The following ARHGAP42 variants were observed in gnomAD, a reference collection of about 807,000 sequenced individuals.
ARHGAP42 encodes the protein Rho GTPase activating protein 42, also known as rho GTPase-activating protein 42.
In ARHGAP42, 63 loss-of-function variants were observed where a neutral mutation model predicts 125.0. That is an observed-to-expected ratio of 0.50 (90% CI 0.41 to 0.62). The LOEUF (loss-of-function observed/expected upper bound fraction) is 0.62. Among genes scored for constraint, ARHGAP42 ranks in the 20% least tolerant of loss-of-function variants. ARHGAP42 has a pLI of 0.00. For missense variants in ARHGAP42, 766 were observed against 1,024.2 expected (o/e 0.75, Z 3.44); for synonymous variants, 339 against 351.0 (o/e 0.97, Z 0.38).
intron 2 of ARHGAP42, among the ~76,000 whole-genome samples, chr11:100,782,514 A>G (rs1863338567): frequency 6.6e-6 from 1 of 152,210 alleles, no homozygotes; most frequent in Non-Finnish European, 1.5e-5. Flanking sequence ...AAAAGTAAGG[A>G]CAAACATATG....
intron 17 of ARHGAP42, among the ~76,000 whole-genome samples, chr11:100,970,805 C>T (rs935356716): frequency 1.3e-5 from 2 of 152,084 alleles, no homozygotes; most frequent in African/African-American, 4.8e-5. Flanking sequence ...TCTTGGCCTG[C>T]TGCACCTCAG....
intron 4 of ARHGAP42, among the ~76,000 whole-genome samples, chr11:100,869,805 T>C (rs577859422): frequency 9.9e-5 from 15 of 152,184 alleles, no homozygotes; most frequent in Non-Finnish European, 2.2e-4. Flanking sequence ...CTCTTATAAT[T>C]TGATGGTACT....
intron 2 of ARHGAP42, among the ~76,000 whole-genome samples, chr11:100,786,079 A>G (rs1035930003): frequency 3.9e-5 from 6 of 152,204 alleles, no homozygotes; most frequent in South Asian, 2.1e-4. Context: ...ATGAGATAGT[A>G]TATGTAATGT....
At chr11:100,709,215 T>C (rs1394827112) in intron 1 of ARHGAP42, among the ~76,000 whole-genome samples, 1 of 152,160 alleles carries the variant, frequency 6.6e-6, no homozygotes, top group African/African-American at 2.4e-5. Flanking sequence ...AATTTTTGTA[T>C]TTTTAGTAGA....
chr11:100,951,122 A>G (rs1255330445), intron 12 of ARHGAP42, among the ~76,000 whole-genome samples: 1 of 152,122 alleles, frequency 6.6e-6, no homozygotes, highest in African/African-American at 2.4e-5. Context: ...TTAAAAACCT[A>G]TTATTTTATC....
At chr11:100,960,032 T>G in intron 13 of ARHGAP42, 87 bp downstream of exon 13, 3 of 1,202,294 alleles carry the variant, frequency 2.5e-6, no homozygotes, top group Non-Finnish European at 3.6e-6. Flanking sequence ...TCATTGAAGA[T>G]GTATTTGGTC....
rs1045455316 is a variant in ARHGAP42, at chr11:100,987,496, T to C, written c.2457-17T>C. Reference sequence around the variant, plus strand: ...GGTTGAGTGTTGAGGTTTTGACAAGTTGTCTTGCTCTTTCAGCCAAGCCAA... The same window carrying C: ...GGTTGAGTGTTGAGGTTTTGACAAGCTGTCTTGCTCTTTCAGCCAAGCCAA... On this transcript the variant is annotated splice_polypyrimidine_tract_variant and intron_variant, in intron 22 of 23. Transcript: ENST00000298815. 13 of 1,550,114 alleles carry C rather than the reference T, an allele frequency of 8.4e-6. No homozygotes were observed. In the African/African-American group the frequency reaches 1.4e-4, roughly 16 times the overall value.
intron 4 of ARHGAP42, among the ~76,000 whole-genome samples, chr11:100,880,673 A>G (rs1865938182): frequency 6.6e-6 from 1 of 152,218 alleles, no homozygotes; most frequent in African/African-American, 2.4e-5. Context: ...GAATCTCCAT[A>G]CTGTTTTCCA....
intron 8 of ARHGAP42, among the ~76,000 whole-genome samples, chr11:100,938,679 C>T (rs1036252413): frequency 2.6e-5 from 4 of 152,090 alleles, no homozygotes; most frequent in Admixed American, 2.6e-4. Context: ...CTGTTCCCAC[C>T]TATCATCTTC....
intron 7 of ARHGAP42, among the ~76,000 whole-genome samples, chr11:100,935,722 A>G (rs1365919524): frequency 4.6e-5 from 7 of 152,034 alleles, no homozygotes; most frequent in Non-Finnish European, 8.8e-5. Flanking sequence ...GCAGAAGGTC[A>G]TTCAGACAAG....
intron 3 of ARHGAP42, among the ~76,000 whole-genome samples, chr11:100,827,166 C>A (rs940189255): frequency 1.3e-5 from 2 of 151,972 alleles, no homozygotes; most frequent in Non-Finnish European, 2.9e-5. Flanking sequence ...CCACGCCCAA[C>A]TAATTTTTGT....
intron 1 of ARHGAP42, among the ~76,000 whole-genome samples, chr11:100,739,138 T>G (rs1174176119): frequency 6.6e-6 from 1 of 152,108 alleles, no homozygotes; most frequent in Non-Finnish European, 1.5e-5. Context: ...CAAGTTATCT[T>G]AGAGTCTTTT....
chr11:100,752,813 G>C (rs911245501), intron 1 of ARHGAP42, among the ~76,000 whole-genome samples: 2 of 152,212 alleles, frequency 1.3e-5, no homozygotes, highest in Non-Finnish European at 2.9e-5. Flanking sequence ...TAGCCAGGGT[G>C]GTGCAGGCTA....
At chr11:100,815,518 G>A (rs919269748) in intron 3 of ARHGAP42, among the ~76,000 whole-genome samples, 2 of 152,138 alleles carry the variant, frequency 1.3e-5, no homozygotes, top group African/African-American at 4.8e-5. Flanking sequence ...TTGTTGCTCT[G>A]AGCCTAGTTC....
In ARHGAP42 at chr11:100,992,218, T is replaced by C; in HGVS notation, c.*3417T>C. 7.1e-7 allele frequency: 1 copy of C among 1,416,858 alleles called. No homozygotes were observed. Among genetic ancestry groups the C allele is most frequent in the Non-Finnish European group, 9.5e-7 (1 of 1,053,202 alleles). The allele number at this position is 1,416,858 out of a possible 1,614,324, so 87.8% of individuals were successfully genotyped here. A position where few individuals can be genotyped will look rare whatever the true frequency, so the allele number is the denominator to read the frequency against. ...TAGCATTTAGAACCCCAACTAGACT[T>C]ATACTTTGACTAAAGTCAGAGGCAG... On this transcript the variant is annotated 3_prime_UTR_variant, in exon 24 of 24. Transcript: ENST00000298815.
intron 9 of ARHGAP42, among the ~76,000 whole-genome samples, chr11:100,942,265 G>A (rs1442451241): frequency 1.3e-5 from 2 of 152,160 alleles, no homozygotes; most frequent in African/African-American, 4.8e-5. Context: ...AGTGGCCTCT[G>A]AGGGAGGCTA....
In ARHGAP42 at chr11:100,896,531, C is replaced by T. The variant is rs1866369789; in HGVS notation, c.385-16921C>T. Among the ~76,000 whole-genome samples, 3 of 152,172 alleles carry T rather than the reference C, an allele frequency of 2.0e-5. No individual in the cohort carries two copies. In the South Asian group the frequency reaches 6.2e-4, roughly 31 times the overall value. On this transcript the variant is annotated intron_variant, in intron 4 of 23. Coordinates refer to ENST00000298815, the MANE Select transcript of ARHGAP42 (RefSeq NM_152432.4). ...TTCCTGACTTTAAATGATTGCCATT[C>T]TAACTGGTATGAGGTGATATCTCAT...
intron 2 of ARHGAP42, among the ~76,000 whole-genome samples, chr11:100,782,967 G>A (rs1863350109): frequency 6.6e-6 from 1 of 152,150 alleles, no homozygotes; most frequent in Non-Finnish European, 1.5e-5. Context: ...CCAAAATCAG[G>A]AGCTGCCAGA....
intron 1 of ARHGAP42, among the ~76,000 whole-genome samples, chr11:100,752,955 A>C (rs1313649197): frequency 6.6e-6 from 1 of 152,218 alleles, no homozygotes; most frequent in Non-Finnish European, 1.5e-5. Flanking sequence ...AGCTGCCACA[A>C]TAGTGATGGG....
Sources: gnomAD v4.1 joint callset for allele counts (sites outside exome capture counted in the v4.1 genomes callset) on GRCh38, gnomAD v4.1.1 for gene constraint, MANE v1.5 for transcripts, NCBI Gene and HGNC (gene_info 2026-07-23, HGNC 2026-07-21) for gene names.